LMLN: variants seen among roughly 807,000 people sequenced by gnomAD.
The protein encoded by LMLN is leishmanolysin-like peptidase.
LMLN carries 70 observed loss-of-function variants against 92.3 expected under a neutral mutation model. That is an observed-to-expected ratio of 0.76 (90% CI 0.63 to 0.92). The LOEUF is 0.92. LMLN is among the 40% of genes least tolerant of loss of function. LMLN has a pLI of 0.00. For synonymous variants in LMLN, 308 were observed against 296.2 expected (o/e 1.04, Z -0.41); for missense variants, 691 against 814.6 (o/e 0.85, Z 1.85).
At chr3:197,985,601 C>A in intron 7 of LMLN, 195 bp from the exon 8 acceptor site, 1 of 389,372 alleles carries the variant, frequency 2.6e-6, no homozygotes, top group South Asian at 9.6e-5. Flanking sequence ...ATATTTACCT[C>A]AAGTAATCAG....
Position 197,989,004 on chromosome 3 carries a change from C to G in LMLN, c.930-1555C>G, listed in dbSNP as rs1721791804. ...GGCCTATGTAGTATATCTTTTTATC[C>G]TTTTACTTTCCACCTATTTGTGTTA... On this transcript the variant is annotated intron_variant, in intron 8 of 15. Coordinates refer to ENST00000330198, the Ensembl canonical transcript of LMLN. 4.6e-5 allele frequency among the ~76,000 whole-genome samples: 7 copies of G among 152,090 alleles called. No individual in the cohort carries two copies. In the South Asian group the frequency reaches 1.5e-3, roughly 32 times the overall value.
At chr3:198,017,425 T>C (rs891106050) in intron 11 of LMLN, among the ~76,000 whole-genome samples, 24 of 151,452 alleles carry the variant, frequency 1.6e-4, no homozygotes, top group African/African-American at 5.6e-4. Flanking sequence ...GCCATACTTC[T>C]TTGAATCACT....
Position 198,042,921 on chromosome 3 carries a change from A to G in LMLN, c.*4254A>G, listed in dbSNP as rs1373744487. 6.6e-6 allele frequency: 1 copy of G among 152,160 alleles called. No individual in the cohort carries two copies. Among genetic ancestry groups the G allele is most frequent in the Non-Finnish European group, 1.5e-5 (1 of 68,030 alleles). The allele number at this position is 152,160 out of a possible 1,614,324, so 9.4% of individuals were successfully genotyped here. A position where few individuals can be genotyped will look rare whatever the true frequency, so the allele number is the denominator to read the frequency against. ...CTGAAAAACATCCTTTTATTTCTTA[A>G]AACCAGTAACCCTTACATTTTTCCT... On this transcript the variant is annotated 3_prime_UTR_variant, in exon 16 of 16. Transcript: ENST00000330198. This position sits in a 1 kb window ranked among gnomAD's most constrained non-coding sequence, Gnocchi z 4.2.
intron 1 of LMLN, among the ~76,000 whole-genome samples, chr3:197,970,695 C>T (rs1380194300): frequency 1.3e-5 from 2 of 152,166 alleles, no homozygotes; most frequent in Non-Finnish European, 2.9e-5. Flanking sequence ...ACACAATGAG[C>T]CATCCTTATA....
At chr3:198,012,985 C>T (rs1722495355) in intron 11 of LMLN, among the ~76,000 whole-genome samples, 1 of 116,114 alleles carries the variant, frequency 8.6e-6, no homozygotes, top group Non-Finnish European at 1.7e-5. Context: ...TCTCTGTACC[C>T]TTCAGAGTCC....
intron 14 of LMLN, among the ~76,000 whole-genome samples, chr3:198,027,323 G>C (rs940523449): frequency 6.6e-6 from 1 of 151,414 alleles, no homozygotes; most frequent in Non-Finnish European, 1.5e-5. Context: ...TTTTGAGGAA[G>C]GGGAAAGGAG....
At chr3:197,985,611 G>T in intron 7 of LMLN, 185 bp from the exon 8 acceptor site, 1 of 403,260 alleles carries the variant, frequency 2.5e-6, no homozygotes, top group Non-Finnish European at 4.4e-6. Context: ...CAAGTAATCA[G>T]AATTTAAAAT....
exon 13 of LMLN, chr3:198,021,461 A>G: frequency 6.2e-7 from 1 of 1,614,008 alleles, no homozygotes; most frequent in Non-Finnish European, 8.5e-7. Context: ...TGATGAACTC[A>G]GTGGAATACC....
intron 5 of LMLN, among the ~76,000 whole-genome samples, chr3:197,976,974 T>C (rs1480968946): frequency 6.6e-6 from 1 of 152,370 alleles, no homozygotes; most frequent in South Asian, 2.1e-4. Flanking sequence ...TAGAACATTA[T>C]CTTGTCTTCC....
At chr3:198,023,738 C>T (rs902743769) in intron 13 of LMLN, among the ~76,000 whole-genome samples, 1 of 152,168 alleles carries the variant, frequency 6.6e-6, no homozygotes, top group African/African-American at 2.4e-5. Flanking sequence ...AGAGCTTTGT[C>T]CCTTTGTCCA....
intron 11 of LMLN, among the ~76,000 whole-genome samples, chr3:198,007,298 G>A (rs1722321613): frequency 6.6e-6 from 1 of 152,084 alleles, no homozygotes; most frequent in Non-Finnish European, 1.5e-5. Flanking sequence ...TTTTTCAAAA[G>A]TTTTGTAGTT....
intron 14 of LMLN, among the ~76,000 whole-genome samples, chr3:198,029,585 A>G (rs1220351327): frequency 6.6e-6 from 1 of 152,138 alleles, no homozygotes; most frequent in Non-Finnish European, 1.5e-5. Context: ...AGGCATGAGA[A>G]TCGCTTGAAC....
At chr3:197,975,497 A>G (rs1337966303) in intron 3 of LMLN, among the ~76,000 whole-genome samples, 3 of 148,210 alleles carry the variant, frequency 2.0e-5, no homozygotes, top group Non-Finnish European at 4.4e-5. Context: ...ATGCACACAC[A>G]CGCGCACGTG....
At chr3:197,991,057 T>G (rs529329224) in intron 9 of LMLN, among the ~76,000 whole-genome samples, 6 of 152,104 alleles carry the variant, frequency 3.9e-5, no homozygotes, top group Admixed American at 1.3e-4. Context: ...AAAGAAAGAA[T>G]ACGAGAGAGG....
chr3:197,997,022 TTTC>T (rs1581155685), intron 10 of LMLN, among the ~76,000 whole-genome samples: 1 of 140,550 alleles, frequency 7.1e-6, no homozygotes, highest in African/African-American at 3.2e-5. Context: ...TTTCCTTTCT[TTTC>T]TTTTCTTTTC....
Position 197,994,374 on chromosome 3 carries a change from C to T in LMLN, c.1048-1801C>T, listed in dbSNP as rs150064477. Among the ~76,000 whole-genome samples the T allele has an allele frequency of 3.6e-3, 548 of 152,172 alleles. 6 individuals carry two copies. Among genetic ancestry groups the T allele is most frequent in the African/African-American group, 0.013 (529 of 41,512 alleles). On this transcript the variant is annotated intron_variant, in intron 9 of 15. Coordinates refer to ENST00000330198, the Ensembl canonical transcript of LMLN. Reference sequence around the variant, plus strand: ...TTTGCAAGCCATACATCAGAAAAGGCGTTAATATCCAAAATATGCAAGAAA... The same window carrying T: ...TTTGCAAGCCATACATCAGAAAAGGTGTTAATATCCAAAATATGCAAGAAA...
chr3:197,979,013 A>G (rs1721481228), intron 5 of LMLN, among the ~76,000 whole-genome samples: 1 of 152,152 alleles, frequency 6.6e-6, no homozygotes, highest in Non-Finnish European at 1.5e-5. Context: ...AAACTAAACT[A>G]AACTAAATAA....
intron 13 of LMLN, among the ~76,000 whole-genome samples, chr3:198,024,247 T>A (rs111952549): frequency 6.8e-6 from 1 of 146,972 alleles, no homozygotes; most frequent in African/African-American, 2.5e-5. Flanking sequence ...ACGGAGTCTC[T>A]CTCTGTCGCC....
exon 7 of LMLN, chr3:197,983,987 C>T: frequency 6.2e-7 from 1 of 1,613,838 alleles, no homozygotes; most frequent in South Asian, 1.1e-5. Context: ...ATGATCTCTA[C>T]CCAGCCTCAG....
Sources: gnomAD v4.1 joint callset for allele counts (sites outside exome capture counted in the v4.1 genomes callset) on GRCh38, gnomAD v4.1.1 for gene constraint, Gnocchi (gnomAD v3.1) non-coding constraint, MANE v1.5 for transcripts, NCBI Gene and HGNC (gene_info 2026-07-23, HGNC 2026-07-21) for gene names.